The following LRP1B variants were observed in gnomAD, a reference collection of about 807,000 sequenced individuals.
LRP1B encodes the protein LDL receptor related protein 1B.
LRP1B carries 217 observed loss-of-function variants against 556.6 expected under a neutral mutation model. That is an observed-to-expected ratio of 0.39 (90% CI 0.35 to 0.44). The LOEUF (loss-of-function observed/expected upper bound fraction) is 0.44. Ranked by LOEUF, LRP1B falls within the 20% of genes least tolerant of loss-of-function variation. The pLI is 1.00. For synonymous variants in LRP1B, 2,047 were observed against 1,865.8 expected (o/e 1.10, Z -2.50); for missense variants, 5,053 against 5,620.8 (o/e 0.90, Z 3.23).
intron 7 of LRP1B, 35 bp downstream of exon 7, chr2:141,188,386 C>CT: frequency 6.3e-7 from 1 of 1,589,528 alleles, no homozygotes; most frequent in Non-Finnish European, 8.5e-7. Context: ...TAAACGCAAA[C>CT]TTTTTTAGAC....
At position 141,505,729 on chromosome 2, in the gene LRP1B, T is replaced by A. The variant is rs1456333967; in HGVS notation, c.206-25196A>T. On this transcript the variant is annotated intron_variant, in intron 2 of 90. Transcript: ENST00000389484. ...CAAATAATATAGTTTGTATTTGTTT[T>A]CTGAGACTTAGTAACACATTCTGCT... Among the ~76,000 whole-genome samples the A allele has an allele frequency of 2.6e-5, 4 of 152,086 alleles. No individual in the cohort carries two copies. In the East Asian group the frequency reaches 7.7e-4, roughly 29 times the overall value.
chr2:141,936,105 AATT>A (rs1331225840), intron 1 of LRP1B, among the ~76,000 whole-genome samples: 2 of 152,164 alleles, frequency 1.3e-5, no homozygotes, highest in Non-Finnish European at 2.9e-5. Context: ...AAGAAACTAC[AATT>A]ATTACCTTTA....
intron 7 of LRP1B, among the ~76,000 whole-genome samples, chr2:141,154,966 C>T (rs888862237): frequency 6.6e-6 from 1 of 151,822 alleles, no homozygotes; most frequent in Non-Finnish European, 1.5e-5. Context: ...AATAATATTC[C>T]TATCCTATTA....
intron 9 of LRP1B, 143 bp from the exon 10 acceptor site, chr2:141,055,402 C>T (rs1420470724): frequency 1.5e-5 from 11 of 711,336 alleles, no homozygotes; most frequent in East Asian, 5.8e-5. Context: ...GCACCATAAT[C>T]GAATGCAAAA....
At chr2:140,896,826 G>A (rs894196991) in intron 23 of LRP1B, among the ~76,000 whole-genome samples, 2 of 152,068 alleles carry the variant, frequency 1.3e-5, no homozygotes, top group African/African-American at 2.4e-5. Flanking sequence ...TGTCAAGAGG[G>A]ATAAGGACAG....
At chr2:141,819,227 A>T (rs1696673068) in intron 1 of LRP1B, among the ~76,000 whole-genome samples, 1 of 151,192 alleles carries the variant, frequency 6.6e-6, no homozygotes, top group Non-Finnish European at 1.5e-5. Flanking sequence ...ACAGAGTGAG[A>T]CTCCATCTCA....
intron 3 of LRP1B, among the ~76,000 whole-genome samples, chr2:141,468,516 A>G (rs866384345): frequency 6.6e-6 from 1 of 152,308 alleles, no homozygotes; most frequent in Middle Eastern, 3.4e-3. Context: ...ATATAAAACA[A>G]ATTGTATATT....
intron 2 of LRP1B, among the ~76,000 whole-genome samples, chr2:141,627,187 C>A (rs1182202354): frequency 6.6e-6 from 1 of 152,120 alleles, no homozygotes; most frequent in Non-Finnish European, 1.5e-5. Context: ...ATGGGGGAAG[C>A]AAATCTGAAA....
chr2:141,338,256 C>T (rs1005658769), intron 3 of LRP1B, among the ~76,000 whole-genome samples: 1 of 152,112 alleles, frequency 6.6e-6, no homozygotes, highest in African/African-American at 2.4e-5. Context: ...CCACTGAAGC[C>T]ACTGCCACCA....
chr2:140,684,821 G>A (rs1042943204), intron 41 of LRP1B, among the ~76,000 whole-genome samples: 4 of 152,008 alleles, frequency 2.6e-5, no homozygotes, highest in African/African-American at 9.7e-5. Flanking sequence ...ATTATAATCT[G>A]GGCCCAAGAT....
chr2:141,443,336 T>C (rs1018287774), intron 3 of LRP1B, among the ~76,000 whole-genome samples: 2 of 152,212 alleles, frequency 1.3e-5, no homozygotes, highest in Non-Finnish European at 2.9e-5. Context: ...ATTAGCACTT[T>C]GTCAGATGGA....
chr2:140,926,415 C>T (rs1027406460), intron 20 of LRP1B, among the ~76,000 whole-genome samples: 2 of 152,068 alleles, frequency 1.3e-5, no homozygotes, highest in Admixed American at 6.6e-5. Context: ...AATCATGGCT[C>T]ATTGCAGCCT....
intron 1 of LRP1B, among the ~76,000 whole-genome samples, chr2:141,905,944 T>G (rs1199007409): frequency 6.8e-6 from 1 of 147,790 alleles, no homozygotes; most frequent in South Asian, 2.1e-4. Flanking sequence ...GATAAGAAAT[T>G]TGTGTGTGTC....
intron 2 of LRP1B, among the ~76,000 whole-genome samples, chr2:141,759,391 A>C (rs775631979): frequency 1.3e-5 from 2 of 152,152 alleles, no homozygotes; most frequent in African/African-American, 2.4e-5. Flanking sequence ...CAGAGTCAAG[A>C]GTGGTAAGAT....
intron 11 of LRP1B, among the ~76,000 whole-genome samples, chr2:141,033,678 G>A (rs1485996923): frequency 6.6e-6 from 1 of 152,046 alleles, no homozygotes; most frequent in African/African-American, 2.4e-5. Flanking sequence ...GTCCTTCTAA[G>A]AGGAAGAGGC....
intron 2 of LRP1B, among the ~76,000 whole-genome samples, chr2:141,719,336 G>A (rs564811215): frequency 2.4e-4 from 36 of 152,146 alleles, no homozygotes; most frequent in African/African-American, 8.2e-4. Flanking sequence ...AGCCTTACTG[G>A]TTAGTTACTA....
intron 1 of LRP1B, among the ~76,000 whole-genome samples, chr2:142,105,099 T>C (rs1385468670): frequency 1.3e-5 from 2 of 152,122 alleles, no homozygotes; most frequent in African/African-American, 2.4e-5. Flanking sequence ...ATGTGCATCA[T>C]TGGCTGAGGT....
At chr2:141,258,981 C>CTTAT (rs891304063) in intron 3 of LRP1B, among the ~76,000 whole-genome samples, 5 of 152,046 alleles carry the variant, frequency 3.3e-5, no homozygotes, top group African/African-American at 1.2e-4. Flanking sequence ...TAATACAGCC[C>CTTAT]TTAGCACAGT....
chr2:141,477,074 G>A (rs1682735046), intron 3 of LRP1B, among the ~76,000 whole-genome samples: 1 of 151,940 alleles, frequency 6.6e-6, no homozygotes, highest in African/African-American at 2.4e-5. Flanking sequence ...GGTGAGCCGA[G>A]ATAGCGCCAT....
Sources: allele counts gnomAD v4.1 joint callset (sites outside exome capture counted in the v4.1 genomes callset), GRCh38; gene constraint gnomAD v4.1.1; transcripts MANE v1.5; gene names NCBI Gene and HGNC (gene_info 2026-07-23, HGNC 2026-07-21).